Variants in DIAPH3 observed in about 807,000 individuals in gnomAD.
DIAPH3 encodes the protein protein diaphanous homolog 3.
In DIAPH3, 117 loss-of-function variants were observed where a neutral mutation model predicts 144.3. That is an observed-to-expected ratio of 0.81 (90% confidence interval 0.70 to 0.95). The LOEUF is 0.95. Among genes scored for constraint, DIAPH3 ranks in the 40% least tolerant of loss-of-function variants. The pLI, the probability that DIAPH3 is intolerant of heterozygous loss-of-function variation, is 0.00. For missense variants in DIAPH3, 1,421 were observed against 1,412.7 expected, an observed-to-expected ratio of 1.01 and a Z score of -0.09; for synonymous variants, 519 against 488.9, an observed-to-expected ratio of 1.06 and a Z score of -0.81.
At chr13:59,700,633 G>A (rs1235219969) in intron 27 of DIAPH3, among the ~76,000 whole-genome samples, 3 of 152,146 alleles carry the variant, frequency 2.0e-5, no homozygotes, top group African/African-American at 7.2e-5. Context: ...TCTTTCCATG[G>A]TGCAAAGACC....
At chr13:60,158,150 C>T (rs1952117370) in intron 1 of DIAPH3, among the ~76,000 whole-genome samples, 1 of 152,140 alleles carries the variant, frequency 6.6e-6, no homozygotes, top group Non-Finnish European at 1.5e-5. Flanking sequence ...TCTCCAATAG[C>T]CATGTCTTTT....
At chr13:59,812,313 G>C (rs940410125) in intron 24 of DIAPH3, among the ~76,000 whole-genome samples, 1 of 148,354 alleles carries the variant, frequency 6.7e-6, no homozygotes, top group African/African-American at 2.5e-5. Context: ...TCTATCCATC[G>C]ATCCATCCAT....
At chr13:59,779,741 A>C (rs1328213940) in intron 25 of DIAPH3, among the ~76,000 whole-genome samples, 2 of 152,008 alleles carry the variant, frequency 1.3e-5, no homozygotes, top group African/African-American at 4.8e-5. Flanking sequence ...CGAACTCCTG[A>C]CCTCAGGTTA....
chr13:60,137,572 T>C (rs1347823872), intron 1 of DIAPH3, among the ~76,000 whole-genome samples: 5 of 152,086 alleles, frequency 3.3e-5, no homozygotes, highest in Non-Finnish European at 7.4e-5. Flanking sequence ...ATATCTGAAC[T>C]AGCAGGCCAA....
chr13:60,017,965 G>T (rs566613780), intron 5 of DIAPH3, among the ~76,000 whole-genome samples: 5 of 152,272 alleles, frequency 3.3e-5, no homozygotes, highest in East Asian at 3.9e-4. Flanking sequence ...AACAACTACA[G>T]CATCTCACTT....
intron 9 of DIAPH3, among the ~76,000 whole-genome samples, chr13:59,994,132 GA>G (rs1189721448): frequency 2.0e-5 from 3 of 151,272 alleles, no homozygotes; most frequent in Admixed American, 6.6e-5. Flanking sequence ...CTCCATAGAA[GA>G]AAAAAAATAG....
chr13:60,015,291 G>C (rs2053563013), intron 7 of DIAPH3, among the ~76,000 whole-genome samples: 1 of 152,060 alleles, frequency 6.6e-6, no homozygotes, highest in Non-Finnish European at 1.5e-5. Flanking sequence ...GCCACAAGCA[G>C]GTTTCTCCCT....
chr13:59,757,558 G>T (rs111654594), intron 27 of DIAPH3, among the ~76,000 whole-genome samples: 3 of 151,662 alleles, frequency 2.0e-5, no homozygotes, highest in Non-Finnish European at 4.4e-5. Flanking sequence ...CCGCCACCAC[G>T]CCCGGCTAAT....
At chr13:59,846,114 C>T (rs1018018855) in intron 22 of DIAPH3, among the ~76,000 whole-genome samples, 8 of 151,852 alleles carry the variant, frequency 5.3e-5, no homozygotes, top group Non-Finnish European at 8.8e-5. Flanking sequence ...AAGTTAAAAT[C>T]GAAACTATAA....
At chr13:59,982,802 T>C (rs945421371) in intron 13 of DIAPH3, among the ~76,000 whole-genome samples, 2 of 151,650 alleles carry the variant, frequency 1.3e-5, no homozygotes, top group South Asian at 2.1e-4. Context: ...GCACTGGTCA[T>C]ATGGAAAGAA....
At chr13:59,753,369 A>G (rs2037108265) in intron 27 of DIAPH3, among the ~76,000 whole-genome samples, 1 of 152,210 alleles carries the variant, frequency 6.6e-6, no homozygotes, top group Non-Finnish European at 1.5e-5. Context: ...ATGTAGCTGG[A>G]AGATTTTCAT....
intron 3 of DIAPH3, among the ~76,000 whole-genome samples, chr13:60,107,836 A>G (rs572720409): frequency 2.1e-4 from 32 of 152,204 alleles, no homozygotes; most frequent in Non-Finnish European, 2.5e-4. Flanking sequence ...TTTTGTCAGA[A>G]TGATTTTGGT....
chr13:60,137,249 G>A (rs754261231), intron 1 of DIAPH3, among the ~76,000 whole-genome samples: 2 of 152,106 alleles, frequency 1.3e-5, no homozygotes, highest in Non-Finnish European at 2.9e-5. Flanking sequence ...TAGGAGTCGG[G>A]GGGAAAAAAG....
chr13:59,798,599 T>C (rs373628742), intron 25 of DIAPH3, among the ~76,000 whole-genome samples: 1 of 152,284 alleles, frequency 6.6e-6, no homozygotes, highest in African/African-American at 2.4e-5. Context: ...ACAACAAAGG[T>C]AGTCTTTTCC....
chr13:60,031,177 G>A (rs541534682), intron 5 of DIAPH3, among the ~76,000 whole-genome samples: 1 of 152,266 alleles, frequency 6.6e-6, no homozygotes, highest in East Asian at 1.9e-4. Flanking sequence ...GAAGGTGAAG[G>A]GGTAGCAGGC....
At chr13:60,129,893 T>C (rs1362327766) in intron 2 of DIAPH3, among the ~76,000 whole-genome samples, 1 of 152,192 alleles carries the variant, frequency 6.6e-6, no homozygotes, top group African/African-American at 2.4e-5. Context: ...ACATATACCC[T>C]GGAAGGCTCA....
intron 24 of DIAPH3, among the ~76,000 whole-genome samples, chr13:59,814,652 G>A (rs934356443): frequency 1.3e-5 from 2 of 152,180 alleles, no homozygotes; most frequent in Admixed American, 6.5e-5. Flanking sequence ...GAAAAGTTAA[G>A]GGTTAGCCAG....
chr13:59,811,117 G>C (rs917814424), intron 24 of DIAPH3, among the ~76,000 whole-genome samples, 194 bp from the exon 25 acceptor site: 3 of 151,964 alleles, frequency 2.0e-5, no homozygotes, highest in African/African-American at 7.3e-5. Context: ...CTATAAATAC[G>C]ACTGTTATTA....
At chr13:60,128,737 C>A (rs1175675431) in intron 2 of DIAPH3, among the ~76,000 whole-genome samples, 3 of 151,054 alleles carry the variant, frequency 2.0e-5, no homozygotes, top group African/African-American at 4.9e-5. Flanking sequence ...AGCTGTTAAC[C>A]ATTTGTGGGT....
Sources: allele counts gnomAD v4.1 joint callset (sites outside exome capture counted in the v4.1 genomes callset), GRCh38; gene constraint gnomAD v4.1.1; transcripts MANE v1.5; gene names NCBI Gene and HGNC (gene_info 2026-07-23, HGNC 2026-07-21).